Variants in ADARB2 observed in about 807,000 individuals in gnomAD.
The protein encoded by ADARB2 is adenosine deaminase RNA specific B2 (inactive), also known as inactive double-stranded RNA-specific editase B2.
Under a neutral mutation model 62.2 loss-of-function variants are expected in ADARB2, and 25 were observed. The observed-to-expected ratio is 0.40, with a 90% CI of 0.29 to 0.56. The LOEUF (loss-of-function observed/expected upper bound fraction) is 0.56. Ranked by LOEUF, ADARB2 falls within the 20% of genes least tolerant of loss-of-function variation. ADARB2 has a pLI of 0.43. For missense variants in ADARB2, 1,071 were observed against 1,077.4 expected (o/e 0.99, Z 0.08); for synonymous variants, 572 against 500.8 (o/e 1.14, Z -1.90).
intron 1 of ADARB2, among the ~76,000 whole-genome samples, chr10:1,525,500 A>G (rs895241292): frequency 2.6e-5 from 4 of 151,972 alleles, no homozygotes; most frequent in African/African-American, 9.7e-5. Flanking sequence ...TCAGCCGTGC[A>G]GTTCTGTGGG....
At chr10:1,447,682 A>G (rs1051862879) in intron 1 of ADARB2, among the ~76,000 whole-genome samples, 8 of 152,166 alleles carry the variant, frequency 5.3e-5, no homozygotes, top group Non-Finnish European at 1.2e-4. Flanking sequence ...GGCACCAGGT[A>G]ATAAGCATAG....
chr10:1,242,052 G>C, intron 5 of ADARB2, 79 bp downstream of exon 5: 1 of 1,458,686 alleles, frequency 6.9e-7, no homozygotes, highest in Non-Finnish European at 9.1e-7. Flanking sequence ...TTCTGAGCCA[G>C]GCATGGGGCC....
intron 1 of ADARB2, among the ~76,000 whole-genome samples, chr10:1,547,928 G>A (rs1832550585): frequency 6.6e-6 from 1 of 152,122 alleles, no homozygotes; most frequent in South Asian, 2.1e-4. Context: ...GGCCTGGGAA[G>A]GCCTTGCCTG....
At chr10:1,664,494 C>G (rs1224350880) in intron 1 of ADARB2, among the ~76,000 whole-genome samples, 2 of 152,230 alleles carry the variant, frequency 1.3e-5, no homozygotes, top group African/African-American at 2.4e-5. Flanking sequence ...ATGCTGCTGT[C>G]ACGGCTTCTT....
At chr10:1,490,488 T>C (rs1351958812) in intron 1 of ADARB2, among the ~76,000 whole-genome samples, 1 of 152,198 alleles carries the variant, frequency 6.6e-6, no homozygotes, top group Non-Finnish European at 1.5e-5. Context: ...AGAGTCTCGC[T>C]CTGTGGCCCA....
intron 1 of ADARB2, among the ~76,000 whole-genome samples, chr10:1,700,164 C>A (rs1248762636): frequency 2.2e-3 from 23 of 10,276 alleles, no homozygotes; most frequent in African/African-American, 4.3e-3. Context: ...ACCAGGCACT[C>A]GCCAACACAC....
Position 1,532,847 on chromosome 10 carries a change from G to A in ADARB2, c.101-153687C>T, listed in dbSNP as rs144801272. Among the ~76,000 whole-genome samples the A allele has an allele frequency of 5.3e-5, 8 of 152,282 alleles. No homozygotes were observed. In the East Asian group the frequency reaches 1.4e-3, roughly 26 times the overall value. Reference sequence around the variant, plus strand: ...CCCGCAGGCGAGGTGGAGAATGGGCGCTTCTCCAGGAACTTAAATCTTGAT... The same window carrying A: ...CCCGCAGGCGAGGTGGAGAATGGGCACTTCTCCAGGAACTTAAATCTTGAT... On this transcript the variant is annotated intron_variant, in intron 1 of 9. Transcript: ENST00000381312.
chr10:1,480,397 G>A (rs1057082762), intron 1 of ADARB2, among the ~76,000 whole-genome samples: 2 of 152,186 alleles, frequency 1.3e-5, no homozygotes, highest in Non-Finnish European at 2.9e-5. Flanking sequence ...AATCTGAAAA[G>A]GAAATTAAGA....
intron 3 of ADARB2, among the ~76,000 whole-genome samples, chr10:1,276,583 C>T (rs1004405446): frequency 6.6e-6 from 1 of 152,180 alleles, no homozygotes; most frequent in African/African-American, 2.4e-5. Context: ...TCACCCAATA[C>T]AGGAGCACCC....
At chr10:1,475,292 G>C (rs1026900208) in intron 1 of ADARB2, among the ~76,000 whole-genome samples, 2 of 152,236 alleles carry the variant, frequency 1.3e-5, no homozygotes, top group African/African-American at 4.8e-5. Flanking sequence ...TTGACCGCAG[G>C]CTGGGTTTGA....
At chr10:1,327,971 C>G (rs1428632299) in intron 3 of ADARB2, among the ~76,000 whole-genome samples, 1 of 84,772 alleles carries the variant, frequency 1.2e-5, no homozygotes, top group Admixed American at 1.1e-4. Context: ...CAGTACTCAG[C>G]GCCTCCTCAC....
chr10:1,521,390 A>G (rs552803671), intron 1 of ADARB2, among the ~76,000 whole-genome samples: 77 of 152,300 alleles, frequency 5.1e-4, no homozygotes, highest in African/African-American at 1.8e-3. Flanking sequence ...TTTTATATAC[A>G]TATTCCCTAT....
intron 3 of ADARB2, among the ~76,000 whole-genome samples, chr10:1,351,085 G>A (rs186588351): frequency 1.1e-3 from 164 of 152,162 alleles, no homozygotes; most frequent in African/African-American, 3.6e-3. Flanking sequence ...CTCCTAAGCC[G>A]TGTCCCATCT....
chr10:1,663,135 G>A (rs1421309024), intron 1 of ADARB2, among the ~76,000 whole-genome samples: 1 of 152,206 alleles, frequency 6.6e-6, no homozygotes, highest in Non-Finnish European at 1.5e-5. Context: ...TTTTAAAAGT[G>A]ATCAACTATT....
chr10:1,227,436 C>G (rs1317635956), intron 6 of ADARB2, among the ~76,000 whole-genome samples: 1 of 152,210 alleles, frequency 6.6e-6, no homozygotes, highest in Non-Finnish European at 1.5e-5. Flanking sequence ...TCTGGCACTC[C>G]CCAGTGAGAT....
chr10:1,282,577 T>C (rs1236103618), intron 3 of ADARB2, among the ~76,000 whole-genome samples: 2 of 152,246 alleles, frequency 1.3e-5, no homozygotes, highest in African/African-American at 4.8e-5. Context: ...GGATGTTTAA[T>C]GTTTTAATCA....
At chr10:1,315,736 C>G (rs1831733539) in intron 3 of ADARB2, among the ~76,000 whole-genome samples, 1 of 152,200 alleles carries the variant, frequency 6.6e-6, no homozygotes, top group Non-Finnish European at 1.5e-5. Flanking sequence ...AAATATCAGC[C>G]TCCAGAATAT....
intron 7 of ADARB2, among the ~76,000 whole-genome samples, chr10:1,210,950 C>G (rs1016214237): frequency 6.6e-6 from 1 of 152,186 alleles, no homozygotes; most frequent in South Asian, 2.1e-4. Flanking sequence ...ACCTGGGCAA[C>G]GCGGAGGCTG....
intron 1 of ADARB2, among the ~76,000 whole-genome samples, chr10:1,527,161 C>A (rs1168784314): frequency 1.3e-5 from 2 of 152,194 alleles, no homozygotes; most frequent in Non-Finnish European, 2.9e-5. Context: ...GAACTTCTCC[C>A]TCCGCTTCCC....
Sources: allele counts gnomAD v4.1 joint callset (sites outside exome capture counted in the v4.1 genomes callset), GRCh38; gene constraint gnomAD v4.1.1; transcripts MANE v1.5; gene names NCBI Gene and HGNC (gene_info 2026-07-23, HGNC 2026-07-21).